PPP1R12B: variants seen among roughly 807,000 people sequenced by gnomAD.
PPP1R12B encodes the protein myosin phosphatase target subunit 2.
A neutral mutation model predicts 126.1 loss-of-function variants in PPP1R12B; 76 were observed. The observed-to-expected ratio is 0.60, with a 90% CI of 0.50 to 0.73. The LOEUF is 0.73. Ranked by LOEUF, PPP1R12B falls within the 30% of genes least tolerant of loss-of-function variation. The pLI is 0.00. For synonymous variants in PPP1R12B, 356 were observed against 434.7 expected, an observed-to-expected ratio of 0.82 and a Z score of 2.25; for missense variants, 1,052 against 1,205.1, an observed-to-expected ratio of 0.87 and a Z score of 1.88.
chr1:202,364,244 G>A (rs961324209), intron 1 of PPP1R12B, among the ~76,000 whole-genome samples: 7 of 152,076 alleles, frequency 4.6e-5, no homozygotes, highest in Non-Finnish European at 1.0e-4. Flanking sequence ...AGCAAAATGT[G>A]CTCTAAATTC....
At chr1:202,481,295 G>T (rs1487218841) in intron 13 of PPP1R12B, among the ~76,000 whole-genome samples, 1 of 152,174 alleles carries the variant, frequency 6.6e-6, no homozygotes, top group African/African-American at 2.4e-5. Flanking sequence ...TTGTGTTGGT[G>T]TAGCATCAAA....
intron 18 of PPP1R12B, among the ~76,000 whole-genome samples, chr1:202,547,197 C>T (rs1455151926): frequency 6.6e-6 from 1 of 152,214 alleles, no homozygotes; most frequent in African/African-American, 2.4e-5. Context: ...GACTATTCAG[C>T]ATTGGTTTTT....
rs1242061742 is a variant in PPP1R12B, at chr1:202,591,005, C to T, written c.*10445C>T. On this transcript the variant is annotated 3_prime_UTR_variant, in exon 24 of 24. Transcript: ENST00000608999. ...ATGCACACTGCTCCCATCACCTCACCAGACAGATGCTCTCTCAACTCTTGC... is the reference window on the plus strand; with the variant it reads ...ATGCACACTGCTCCCATCACCTCACTAGACAGATGCTCTCTCAACTCTTGC... 1 of 152,272 alleles carries T rather than the reference C, an allele frequency of 6.6e-6. No homozygotes were observed. Among genetic ancestry groups the T allele is most frequent in the Non-Finnish European group, 1.5e-5 (1 of 68,106 alleles). The allele number at this position is 152,272 out of a possible 1,614,324, so 9.4% of individuals were successfully genotyped here. A position where few individuals can be genotyped will look rare whatever the true frequency, so the allele number is the denominator to read the frequency against.
chr1:202,522,904 A>G (rs1426573421), intron 18 of PPP1R12B, among the ~76,000 whole-genome samples: 2 of 152,238 alleles, frequency 1.3e-5, no homozygotes, highest in Admixed American at 6.5e-5. Context: ...CAAAATATAT[A>G]AAACAAAACC....
intron 12 of PPP1R12B, chr1:202,445,231 A>G (rs1672087478): frequency 8.0e-7 from 1 of 1,246,016 alleles, no homozygotes; most frequent in Non-Finnish European, 1.0e-6. Context: ...CATGGCAGGT[A>G]AGGCTTCTTG....
At chr1:202,414,980 T>G (rs1369886895) in intron 1 of PPP1R12B, among the ~76,000 whole-genome samples, 4 of 152,092 alleles carry the variant, frequency 2.6e-5, no homozygotes, top group Non-Finnish European at 5.9e-5. Context: ...ATGGGGTCTG[T>G]GTTGCTCAGG....
intron 18 of PPP1R12B, chr1:202,527,544 A>T (rs749062946): frequency 1.3e-5 from 2 of 152,230 alleles, no homozygotes; most frequent in African/African-American, 2.4e-5. Flanking sequence ...TATTTTGAGC[A>T]ACTTTATGAC....
At chr1:202,374,432 A>C (rs1660806338) in intron 1 of PPP1R12B, among the ~76,000 whole-genome samples, 1 of 151,628 alleles carries the variant, frequency 6.6e-6, no homozygotes, top group Admixed American at 6.6e-5. Context: ...GTAGTCACCA[A>C]ATCCTGTGGA....
Position 202,419,333 on chromosome 1 carries a change from G to C in PPP1R12B, c.422+2416G>C, listed in dbSNP as rs373913776. On this transcript the variant is annotated intron_variant, in intron 2 of 23. Transcript: ENST00000608999. The surrounding 1 kb of genome is among the most constrained non-coding windows in gnomAD (Gnocchi z 4.6). ...AGTAGCATAAAGACCTTGTATTGGT[G>C]TTGAGTTAGGAAGGACAAGAAGGCC... is the stretch of plus-strand genomic sequence containing the variant. 3.3e-5 allele frequency among the ~76,000 whole-genome samples: 5 copies of C among 152,222 alleles called. No individual in the cohort carries two copies. The East Asian group carries it at 7.7e-4, about 23-fold the overall frequency.
intron 13 of PPP1R12B, among the ~76,000 whole-genome samples, chr1:202,468,107 G>T (rs1572159879): frequency 6.6e-6 from 1 of 152,100 alleles, no homozygotes; most frequent in South Asian, 2.1e-4. Context: ...TGAGTTCGTT[G>T]TAGATTCTGG....
intron 1 of PPP1R12B, among the ~76,000 whole-genome samples, chr1:202,394,449 A>G (rs1278871412): frequency 6.6e-6 from 1 of 152,148 alleles, no homozygotes; most frequent in East Asian, 1.9e-4. Context: ...GTGTTACTAG[A>G]TTACTTTAAG....
At chr1:202,389,187 A>G (rs1170718988) in intron 1 of PPP1R12B, among the ~76,000 whole-genome samples, 2 of 152,182 alleles carry the variant, frequency 1.3e-5, no homozygotes, top group Non-Finnish European at 2.9e-5. Flanking sequence ...GGAAGCAAGG[A>G]AGAGGTGGGA....
At chr1:202,528,724 GTTT>G (rs139329641) in intron 18 of PPP1R12B, among the ~76,000 whole-genome samples, 1 of 146,870 alleles carries the variant, frequency 6.8e-6, no homozygotes, top group African/African-American at 2.5e-5. Context: ...GGACTGAAAG[GTTT>G]TTTTTTTGTT....
intron 13 of PPP1R12B, among the ~76,000 whole-genome samples, chr1:202,469,500 A>G (rs1292284347): frequency 1.3e-5 from 2 of 152,210 alleles, no homozygotes; most frequent in African/African-American, 4.8e-5. Context: ...AATTTTCCTT[A>G]TGCTAGGACT....
intron 18 of PPP1R12B, among the ~76,000 whole-genome samples, chr1:202,528,318 G>A (rs1572398712): frequency 6.6e-6 from 1 of 152,318 alleles, no homozygotes; most frequent in East Asian, 1.9e-4. Flanking sequence ...GCACTCATCT[G>A]TTAGCTCTTA....
At chr1:202,430,869 A>C in intron 7 of PPP1R12B, 59 bp downstream of exon 7, 1 of 1,552,718 alleles carries the variant, frequency 6.4e-7, no homozygotes, top group East Asian at 2.3e-5. Context: ...TGACATACTT[A>C]ACTTCAGAAT....
chr1:202,507,192 C>A (rs1349497370), intron 18 of PPP1R12B, among the ~76,000 whole-genome samples: 1 of 152,208 alleles, frequency 6.6e-6, no homozygotes. Flanking sequence ...ATGCCACTTA[C>A]ATAATGCGTA....
At chr1:202,427,675 C>T (rs954600661) in intron 5 of PPP1R12B, among the ~76,000 whole-genome samples, 14 of 152,136 alleles carry the variant, frequency 9.2e-5, no homozygotes, top group Non-Finnish European at 1.5e-4. Flanking sequence ...GACAGAGTCT[C>T]GCTCTGTTGC....
At chr1:202,506,550 C>T (rs1327472115) in intron 18 of PPP1R12B, among the ~76,000 whole-genome samples, 4 of 152,176 alleles carry the variant, frequency 2.6e-5, no homozygotes, top group African/African-American at 9.6e-5. Flanking sequence ...TCTGTTTGGA[C>T]TTCTCTCATG....
Sources: gnomAD v4.1 joint callset for allele counts (sites outside exome capture counted in the v4.1 genomes callset) on GRCh38, gnomAD v4.1.1 for gene constraint, Gnocchi (gnomAD v3.1) non-coding constraint, MANE v1.5 for transcripts, NCBI Gene and HGNC (gene_info 2026-07-23, HGNC 2026-07-21) for gene names.